The following NAGPA variants were observed in gnomAD, a reference collection of about 807,000 sequenced individuals.
NAGPA encodes the protein alpha-N-acetylglucosaminyl phosphodiesterase.
Under a neutral mutation model 48.5 loss-of-function variants are expected in NAGPA, and 56 were observed. The observed-to-expected ratio is 1.15, with a 90% confidence interval of 0.93 to 1.44. The LOEUF is 1.44. Among genes scored for constraint, NAGPA ranks in the 40% most tolerant of loss-of-function variants. The probability of loss-of-function intolerance (pLI) is 0.00; values close to 1 mark genes in which losing one functional copy is unlikely to be tolerated. For missense variants in NAGPA, 888 were observed against 735.0 expected (o/e 1.21, Z -2.41); for synonymous variants, 399 against 315.5 (o/e 1.26, Z -2.81).
intron 9 of NAGPA, among the ~76,000 whole-genome samples, chr16:5,026,909 C>A (rs1197362005): frequency 6.6e-6 from 1 of 152,204 alleles, no homozygotes; most frequent in Non-Finnish European, 1.5e-5. Flanking sequence ...GCCCAGTTTG[C>A]ATTCTGAGCT....
Position 5,033,140 on chromosome 16 carries a change from G to A in NAGPA, c.542+133C>T, listed in dbSNP as rs1462053064. Reference sequence around the variant, plus strand: ...TGATGAATAAACTCTGCAAGGAAGCGATTCCTATCCCCATTCTGCAGAGGA... The same window carrying A: ...TGATGAATAAACTCTGCAAGGAAGCAATTCCTATCCCCATTCTGCAGAGGA... On this transcript the variant is annotated intron_variant, in intron 2 of 9. Transcript: ENST00000312251. The surrounding 1 kb of genome is among the most constrained non-coding windows in gnomAD (Gnocchi z 4.2). 1 of 1,067,668 alleles carries A rather than the reference G, an allele frequency of 9.4e-7. No individual in the cohort carries two copies. Among genetic ancestry groups the A allele is most frequent in the East Asian group, 2.6e-5 (1 of 38,374 alleles). The allele number at this position is 1,067,668 out of a possible 1,614,324, so 66.1% of individuals were successfully genotyped here. A position where few individuals can be genotyped will look rare whatever the true frequency, so the allele number is the denominator to read the frequency against.
intron 7 of NAGPA, 41 bp from the exon 8 acceptor site, chr16:5,027,420 G>T (rs1201736957): frequency 1.3e-6 from 2 of 1,594,142 alleles, no homozygotes; most frequent in Admixed American, 3.3e-5. Flanking sequence ...GGAGGAGAAA[G>T]GTTGGGGCCT....
intron 7 of NAGPA, among the ~76,000 whole-genome samples, 156 bp downstream of exon 7, chr16:5,027,689 CA>C (rs1956026699): frequency 6.6e-6 from 1 of 152,178 alleles, no homozygotes; most frequent in Non-Finnish European, 1.5e-5. Flanking sequence ...GCAGCAGCCA[CA>C]GGGGAGTCAC....
At chr16:5,027,917 C>G (rs751818624) in intron 6 of NAGPA, 24 bp from the exon 7 acceptor site, 5 of 1,610,556 alleles carry the variant, frequency 3.1e-6, no homozygotes, top group Non-Finnish European at 3.4e-6. Flanking sequence ...ACCGGGGAGG[C>G]CAGGTGAGGG....
intron 9 of NAGPA, among the ~76,000 whole-genome samples, chr16:5,025,900 A>G (rs149307045): frequency 1.0e-3 from 155 of 151,870 alleles, no homozygotes; most frequent in African/African-American, 3.4e-3. Flanking sequence ...ATGACGTACA[A>G]TGCAGGTCCG....
In NAGPA at chr16:5,027,371, G is replaced by A; in HGVS notation, c.1183C>T (p.Leu395Phe). Residue 395 changes from leucine (L) to phenylalanine (F), a missense_variant, in exon 8 of 10, where the codon CTT (leucine) becomes TTT (phenylalanine). By Grantham distance (22) the Leu-to-Phe change is conservative. Coordinates refer to ENST00000312251, the MANE Select transcript of NAGPA (RefSeq NM_016256.4). ...TGGCAGCCCGGCCCATGCCAGCCAA[G>A]GGGACACTCTATGGAAAGGAGATGG... ...TGSNCSEECP[L>F]GWHGPGCQRP... 6.2e-7 allele frequency: 1 copy of A among 1,612,898 alleles called. No individual in the cohort carries two copies. The highest frequency in any genetic ancestry group is 8.5e-7 in the Non-Finnish European group (1 of 1,179,682).
At chr16:5,032,892 C>T (rs769914887) in intron 2 of NAGPA, 5 of 294,740 alleles carry the variant, frequency 1.7e-5, no homozygotes, top group Non-Finnish European at 2.6e-5. Flanking sequence ...AGGCGTGTTC[C>T]AGATCACCCT....
intron 9 of NAGPA, 51 bp downstream of exon 9, chr16:5,027,084 G>T: frequency 6.2e-7 from 1 of 1,603,156 alleles, no homozygotes; most frequent in South Asian, 1.1e-5. Flanking sequence ...GGGTGCGGGA[G>T]AGAAGGGGGA....
At chr16:5,026,101 G>A (rs1955995469) in intron 9 of NAGPA, among the ~76,000 whole-genome samples, 2 of 150,900 alleles carry the variant, frequency 1.3e-5, no homozygotes, top group African/African-American at 2.4e-5. Context: ...GCTAATTTTC[G>A]TATTTTCAGT....
chr16:5,030,923 C>T, intron 3 of NAGPA: 1 of 239,896 alleles, frequency 4.2e-6, no homozygotes, highest in Non-Finnish European at 8.3e-6. Context: ...CCTTCCTTGA[C>T]CGCCCACTCT....
At chr16:5,025,792 G>T (rs997643115) in intron 9 of NAGPA, 107 bp from the exon 10 acceptor site, 3 of 1,183,940 alleles carry the variant, frequency 2.5e-6, no homozygotes, top group African/African-American at 1.5e-5. Context: ...ACTAAATCAG[G>T]TGCCTCCAGG....
At chr16:5,027,027 C>G in intron 9 of NAGPA, 108 bp downstream of exon 9, 6 of 1,371,588 alleles carry the variant, frequency 4.4e-6, no homozygotes, top group Non-Finnish European at 6.1e-6. Context: ...TCCTCTAAGG[C>G]AGGGAGCTGG....
At chr16:5,027,798 G>A (rs1187446015) in intron 7 of NAGPA, 48 bp downstream of exon 7, 2 of 1,549,636 alleles carry the variant, frequency 1.3e-6, no homozygotes, top group African/African-American at 1.4e-5. Context: ...AGTGGGGGCT[G>A]CCGGGGGCCA....
Position 5,028,114 on chromosome 16 carries a change from G to A in NAGPA, c.992C>T (p.Pro331Leu), listed in dbSNP as rs757866039. The A allele has an allele frequency of 6.0e-5, 96 of 1,608,486 alleles. No individual in the cohort carries two copies. Among genetic ancestry groups the A allele is most frequent in the Middle Eastern group, 4.9e-4 (3 of 6,074 alleles). Reference protein sequence around the residue: ...VVCVHEPRCQPPDCHGHGTCV... With the variant: ...VVCVHEPRCQLPDCHGHGTCV... ...GGTCCCGTGGCCGTGGCAGTCAGGC[G>A]GCTGGCAGCGGGGTTCGTGCACACA... Residue 331 changes from proline (P) to leucine (L), a missense_variant, in exon 6 of 10, where the codon CCG becomes CTG. Transcript: ENST00000312251.
In NAGPA at chr16:5,025,517, C is replaced by T; in HGVS notation, c.1509G>A (p.Lys503=). 1 of 1,612,830 alleles carries T rather than the reference C, an allele frequency of 6.2e-7. No individual in the cohort carries two copies. Among genetic ancestry groups the T allele is most frequent in the Non-Finnish European group, 8.5e-7 (1 of 1,179,994 alleles). ...EMNGEPLAAE[K]EQPGGAHNPF... is the part of the protein sequence containing the mutation. Reference sequence around the variant, plus strand: ...GGTTGTGGGCGCCCCCTGGCTGCTCCTTCTCTGCGGCCAGAGGCTCCCCGT... The same window carrying T: ...GGTTGTGGGCGCCCCCTGGCTGCTCTTTCTCTGCGGCCAGAGGCTCCCCGT... The change falls in exon 10 of 10, where the codon AAG becomes AAA. Residue 503 remains lysine, a synonymous_variant. Coordinates refer to ENST00000312251, the MANE Select transcript of NAGPA (RefSeq NM_016256.4).
At position 5,033,589 on chromosome 16, in the gene NAGPA, G is replaced by C. The variant is rs765606562; in HGVS notation, c.226C>G (p.Leu76Val). ...TGCGACACGAAGGTGCGCACGGCCA[G>C]ACCGCCGGCGCCGGGAGTCGCGGGA... Reference protein sequence around the residue: ...PPPATPGAGGLAVRTFVSHFR... With the variant: ...PPPATPGAGGVAVRTFVSHFR... The change falls in exon 2 of 10, where the codon CTG (leucine) becomes GTG (valine). Residue 76 changes from leucine to valine, a missense_variant. Transcript: ENST00000312251. This position sits in a 1 kb window ranked among gnomAD's most constrained non-coding sequence, Gnocchi z 4.2. The C allele has an allele frequency of 8.7e-6, 13 of 1,485,974 alleles. No homozygotes were observed. The highest frequency in any genetic ancestry group is 1.4e-5 in the African/African-American group (1 of 69,088). 92.0% of individuals were successfully genotyped at this position (1,485,974 alleles called of 1,614,324 possible).
intron 2 of NAGPA, among the ~76,000 whole-genome samples, chr16:5,032,493 T>TCC (rs149529706): frequency 7.4e-4 from 110 of 148,816 alleles, no homozygotes; most frequent in East Asian, 3.2e-3. Flanking sequence ...ACTCCCCCGT[T>TCC]CCCCACCCCA....
Position 5,028,138 on chromosome 16 carries a change from C to T in NAGPA, c.968G>A (p.Cys323Tyr), listed in dbSNP as rs1406328285. The change falls in exon 6 of 10, where the codon TGT becomes TAT. Residue 323 changes from cysteine (C) to tyrosine (Y), a missense_variant. Cys to Tyr is a radical substitution (Grantham distance 194). Coordinates refer to ENST00000312251, the MANE Select transcript of NAGPA (RefSeq NM_016256.4). ...RCPRQVSTVVCVHEPRCQPPD... is the reference protein window; with the variant it reads ...RCPRQVSTVVYVHEPRCQPPD... Reference sequence around the variant, plus strand: ...CGGCTGGCAGCGGGGTTCGTGCACACACACCACGGTGGACACTTGGCGGGG... The same window carrying T: ...CGGCTGGCAGCGGGGTTCGTGCACATACACCACGGTGGACACTTGGCGGGG... The T allele has an allele frequency of 3.8e-6, 6 of 1,595,410 alleles. No individual in the cohort carries two copies. The East Asian group carries it at 6.9e-5, about 18-fold the overall frequency.
At chr16:5,031,713 G>A (rs376366116) in intron 3 of NAGPA, 32 bp downstream of exon 3, 2 of 1,613,872 alleles carry the variant, frequency 1.2e-6, no homozygotes, top group African/African-American at 1.3e-5. Flanking sequence ...TGGTTCTCGA[G>A]AGGGTTGTTG....
Sources: allele counts gnomAD v4.1 joint callset (sites outside exome capture counted in the v4.1 genomes callset), GRCh38; gene constraint gnomAD v4.1.1; non-coding constraint Gnocchi (gnomAD v3.1); transcripts MANE v1.5; gene names NCBI Gene and HGNC (gene_info 2026-07-23, HGNC 2026-07-21).